CLCC1: variants seen among roughly 807,000 people sequenced by gnomAD.
CLCC1 encodes chloride channel CLIC-like protein 1.
A neutral mutation model predicts 63.3 loss-of-function variants in CLCC1; 39 were observed. That is an observed-to-expected ratio of 0.62 (90% CI 0.48 to 0.81). The LOEUF (loss-of-function observed/expected upper bound fraction) is 0.81, where lower values mean the gene tolerates loss of function less well. Among genes scored for constraint, CLCC1 ranks in the 30% least tolerant of loss-of-function variants. CLCC1 has a pLI of 0.00. For synonymous variants in CLCC1, 217 were observed against 239.8 expected (o/e 0.90, Z 0.88); for missense variants, 549 against 669.4 (o/e 0.82, Z 1.98).
chr1:108,952,872 A>AGAG (rs1387836047), intron 2 of CLCC1, among the ~76,000 whole-genome samples: 1 of 152,176 alleles, frequency 6.6e-6, no homozygotes, highest in Non-Finnish European at 1.5e-5. Context: ...AAAACCATTC[A>AGAG]GAGAAAATAA....
At chr1:108,944,093 G>T in intron 5 of CLCC1, 36 bp from the exon 6 acceptor site, 1 of 1,464,160 alleles carries the variant, frequency 6.8e-7, no homozygotes, top group South Asian at 1.3e-5. Flanking sequence ...ACAATAGAAA[G>T]AGAATTTTAT....
At chr1:108,947,984 T>C (rs1461654399) in intron 4 of CLCC1, among the ~76,000 whole-genome samples, 1 of 152,146 alleles carries the variant, frequency 6.6e-6, no homozygotes, top group Non-Finnish European at 1.5e-5. Context: ...TTCAGCAACT[T>C]TAAAGCTAAA....
intron 2 of CLCC1, among the ~76,000 whole-genome samples, chr1:108,955,143 C>A (rs1462031565): frequency 6.6e-6 from 1 of 151,226 alleles, no homozygotes. Context: ...CCATGCTGGG[C>A]ACTGTCTTAA....
Position 108,947,944 on chromosome 1 carries a change from A to T in CLCC1, c.232-226T>A, listed in dbSNP as rs1454935387. On this transcript the variant is annotated intron_variant, in intron 4 of 12. Coordinates refer to ENST00000369969, the MANE Select transcript of CLCC1 (RefSeq NM_001377458.1). ...AATAAGGAGCACAGATCCAATACTTAGCCCTAACCTGGCAGTTTTTCTGCT... is the reference window on the plus strand; with the variant it reads ...AATAAGGAGCACAGATCCAATACTTTGCCCTAACCTGGCAGTTTTTCTGCT... Among the ~76,000 whole-genome samples, 4 of 152,342 alleles carry T rather than the reference A, an allele frequency of 2.6e-5. No individual in the cohort carries two copies. The East Asian group carries it at 7.7e-4, about 29-fold the overall frequency.
intron 7 of CLCC1, among the ~76,000 whole-genome samples, chr1:108,942,410 A>G (rs1295762718): frequency 6.6e-6 from 1 of 152,216 alleles, no homozygotes; most frequent in African/African-American, 2.4e-5. Flanking sequence ...TCCACACAGA[A>G]TCTGTGTTTA....
intron 4 of CLCC1, among the ~76,000 whole-genome samples, chr1:108,949,514 T>C (rs338467): frequency 0.58 from 87,524 of 151,994 alleles, 25,651 homozygotes; most frequent in African/African-American, 0.69. Flanking sequence ...AGCCCTGTGA[T>C]AGGTGACAGA....
Position 108,940,145 on chromosome 1 carries a change from GT to G in CLCC1, c.797-4del. ...GGTCCATGAACTTCTAAACCATTCT[GT>G]TTAGAGAAACAGACAAAACACTGAT... is the stretch of plus-strand genomic sequence containing the variant. On this transcript the variant is annotated splice_polypyrimidine_tract_variant and splice_region_variant and intron_variant, in intron 8 of 12. Coordinates refer to ENST00000369969, the MANE Select transcript of CLCC1 (RefSeq NM_001377458.1). 1 of 1,567,574 alleles carries G rather than the reference GT, an allele frequency of 6.4e-7. No individual in the cohort carries two copies. Among genetic ancestry groups the G allele is most frequent in the Non-Finnish European group, 8.8e-7 (1 of 1,142,658 alleles).
intron 11 of CLCC1, among the ~76,000 whole-genome samples, chr1:108,936,030 G>A (rs1049830631): frequency 6.6e-6 from 1 of 150,468 alleles, no homozygotes; most frequent in Non-Finnish European, 1.5e-5. Context: ...GAAGACTTCT[G>A]AGATAGGTGA....
In CLCC1 at chr1:108,930,258, C is replaced by G; in HGVS notation, c.*2289G>C. The G allele has an allele frequency of 4.1e-6, 1 of 241,546 alleles. No homozygotes were observed. Among genetic ancestry groups the G allele is most frequent in the South Asian group, 1.1e-4 (1 of 9,190 alleles). The allele number at this position is 241,546 out of a possible 1,614,324, so 15.0% of individuals were successfully genotyped here. A position where few individuals can be genotyped will look rare whatever the true frequency, so the allele number is the denominator to read the frequency against. Reference sequence around the variant, plus strand: ...GAATCATAGATTAGAATTTAATACTCTTATGGAAATAATTTTTTAACATCT... The same window carrying G: ...GAATCATAGATTAGAATTTAATACTGTTATGGAAATAATTTTTTAACATCT... On this transcript the variant is annotated 3_prime_UTR_variant, in exon 13 of 13. Transcript: ENST00000369969.
intron 12 of CLCC1, 72 bp downstream of exon 12, chr1:108,934,553 G>C (rs146024527): frequency 8.4e-7 from 1 of 1,191,828 alleles, no homozygotes. Flanking sequence ...AAATGTGAAT[G>C]TTGAAGTTGG....
In CLCC1 at chr1:108,934,777, G is replaced by A. The variant is rs1396710864; in HGVS notation, c.1549C>T (p.Leu517Phe). The stretch of plus-strand genomic sequence containing the variant: ...GGGCTGCCTGCGGCTTCAGACTTGA[G>A]CTGGGCCTTTTCCGCTGCGGGTGAA... ...EGSPAAEKAQLKSEAAGSPDQ... is the reference protein window; with the variant it reads ...EGSPAAEKAQFKSEAAGSPDQ... Residue 517 changes from leucine (L) to phenylalanine (F), a missense_variant, in exon 12 of 13, where the codon CTC becomes TTC. By Grantham distance (22) the Leu-to-Phe change is conservative. Transcript: ENST00000369969. 2 of 1,614,082 alleles carry A rather than the reference G, an allele frequency of 1.2e-6. No homozygotes were observed. Among genetic ancestry groups the A allele is most frequent in the Non-Finnish European group, 1.7e-6 (2 of 1,180,052 alleles).
rs753013226 is a variant in CLCC1, at chr1:108,950,349, AGC to A, written c.87_88del (p.Met29IlefsTer2). 1 of 1,613,452 alleles carries A rather than the reference AGC, an allele frequency of 6.2e-7. No individual in the cohort carries two copies. The highest frequency in any genetic ancestry group is 2.2e-5 in the East Asian group (1 of 44,850). On this transcript the variant is annotated frameshift_variant, in exon 3 of 13. Coordinates refer to ENST00000369969, the MANE Select transcript of CLCC1 (RefSeq NM_001377458.1). LOFTEE classifies it high-confidence loss of function. ...TGTTCCTGAAGCAGCATCATAGTTAAGCATGTCTGTGGGGTCAATCCAGTCAT... is the reference window on the plus strand; with the variant it reads ...TGTTCCTGAAGCAGCATCATAGTTAAATGTCTGTGGGGTCAATCCAGTCAT...
rs1222066286 is a variant in CLCC1 at position 108,962,356 on chromosome 1, A to G, written c.-59T>C. 2 of 152,208 alleles carry G rather than the reference A, an allele frequency of 1.3e-5. No individual in the cohort carries two copies. Among genetic ancestry groups the G allele is most frequent in the African/African-American group, 2.4e-5 (1 of 41,448 alleles). 9.4% of individuals were successfully genotyped at this position (152,208 alleles called of 1,614,324 possible). On this transcript the variant is annotated 5_prime_UTR_variant, in exon 2 of 13. Coordinates refer to ENST00000369969, the MANE Select transcript of CLCC1 (RefSeq NM_001377458.1). ...TGTTTTAGACTAGAAGTACCAGGGT[A>G]TAAGTCGGGAGGCTGCAACTTATTT...
chr1:108,932,705 ATGTCT>A (rs1652214109), intron 12 of CLCC1: 1 of 152,232 alleles, frequency 6.6e-6, no homozygotes, highest in Admixed American at 6.5e-5. Flanking sequence ...CAGTGTGAAC[ATGTCT>A]TGTCCCAAGA....
At position 108,947,664 on chromosome 1, in the gene CLCC1, C is replaced by G; in HGVS notation, c.286G>C (p.Val96Leu). Residue 96 changes from valine (V) to leucine (L), a missense_variant, in exon 5 of 13, where the codon GTT becomes CTT. Coordinates refer to ENST00000369969, the MANE Select transcript of CLCC1 (RefSeq NM_001377458.1). Reference protein sequence around the residue: ...REDYESQSNPVFRRYLNKILI... With the variant: ...REDYESQSNPLFRRYLNKILI... ...ATCTTATTTAAGTATCTCCTAAAAA[C>G]AGGATTGCTTTGACTTTCATAGTCT... 6.2e-7 allele frequency: 1 copy of G among 1,612,218 alleles called. No individual in the cohort carries two copies. Among genetic ancestry groups the G allele is most frequent in the South Asian group, 1.1e-5 (1 of 90,510 alleles).
chr1:108,954,871 C>T (rs1223118336), intron 2 of CLCC1, among the ~76,000 whole-genome samples: 12 of 144,622 alleles, frequency 8.3e-5, no homozygotes, highest in African/African-American at 1.9e-4. Flanking sequence ...TCGCTCTTGT[C>T]GCCCAGGCTG....
intron 2 of CLCC1, among the ~76,000 whole-genome samples, chr1:108,958,641 A>G (rs1305718649): frequency 1.3e-5 from 2 of 151,458 alleles, no homozygotes; most frequent in East Asian, 3.8e-4. Context: ...GCACTTTGGG[A>G]GGCCCAGCAG....
At chr1:108,935,036 A>G in intron 11 of CLCC1, 94 bp from the exon 12 acceptor site, 2 of 1,224,204 alleles carry the variant, frequency 1.6e-6, no homozygotes, top group Non-Finnish European at 2.3e-6. Context: ...AATCCGTTGT[A>G]GCAAGCTCCA....
At chr1:108,952,596 C>A (rs2101695742) in intron 2 of CLCC1, among the ~76,000 whole-genome samples, 1 of 145,666 alleles carries the variant, frequency 6.9e-6, no homozygotes, top group South Asian at 2.1e-4. Flanking sequence ...GCCAGGAGTT[C>A]GAGAGCAGCC....
Sources: gnomAD v4.1 joint callset for allele counts (sites outside exome capture counted in the v4.1 genomes callset) on GRCh38, gnomAD v4.1.1 for gene constraint, MANE v1.5 for transcripts, NCBI Gene and HGNC (gene_info 2026-07-23, HGNC 2026-07-21) for gene names.